The following LIPA variants were observed in gnomAD, a reference collection of about 807,000 sequenced individuals.
The protein encoded by LIPA is lipase A, lysosomal acid type, also known as lysosomal acid lipase/cholesteryl ester hydrolase.
A neutral mutation model predicts 40.6 loss-of-function variants in LIPA; 26 were observed. The observed-to-expected ratio is 0.64, with a 90% confidence interval of 0.47 to 0.89. LIPA has a LOEUF of 0.89. Ranked by LOEUF, LIPA falls within the 40% of genes least tolerant of loss-of-function variation. The pLI is 0.00. For synonymous variants in LIPA, 188 were observed against 168.4 expected (o/e 1.12, Z -0.90); for missense variants, 455 against 479.6 (o/e 0.95, Z 0.48).
chr10:89,318,115 T>C (rs1490414784), intron 1 of LIPA, among the ~76,000 whole-genome samples: 2 of 151,954 alleles, frequency 1.3e-5, no homozygotes, highest in African/African-American at 4.8e-5. Flanking sequence ...GCAAAACATG[T>C]CAAAGTGTAA....
chr10:89,292,550 T>C (rs1415055234), intron 1 of LIPA: 1 of 152,204 alleles, frequency 6.6e-6, no homozygotes, highest in African/African-American at 2.4e-5. Context: ...AAGGTAGTAA[T>C]AACTAACCCT....
chr10:89,414,041 A>C (rs1841504515), intron 1 of LIPA, among the ~76,000 whole-genome samples: 1 of 152,204 alleles, frequency 6.6e-6, no homozygotes, highest in Non-Finnish European at 1.5e-5. Flanking sequence ...TCCTTATTAC[A>C]AAGCACCATT....
At chr10:89,383,819 A>G in intron 2 of LIPA, 1 of 1,614,210 alleles carries the variant, frequency 6.2e-7, no homozygotes, top group Non-Finnish European at 8.5e-7. Context: ...AAGGCTCTGG[A>G]AGGGAACCCT....
chr10:89,216,425 A>AT (rs60602656), intron 8 of LIPA, among the ~76,000 whole-genome samples: 4 of 145,644 alleles, frequency 2.7e-5, no homozygotes, highest in African/African-American at 7.9e-5. Context: ...ATATATATAT[A>AT]ATAGAGAGAG....
intron 3 of LIPA, among the ~76,000 whole-genome samples, chr10:89,229,590 A>T (rs1283295058): frequency 6.6e-6 from 1 of 152,154 alleles, no homozygotes; most frequent in Non-Finnish European, 1.5e-5. Flanking sequence ...GTCTCTACTA[A>T]AAATACAAAA....
chr10:89,219,620 C>A (rs1842670914), intron 8 of LIPA, among the ~76,000 whole-genome samples: 1 of 152,140 alleles, frequency 6.6e-6, no homozygotes, highest in African/African-American at 2.4e-5. Flanking sequence ...CCATAAGAGC[C>A]CTCTAATGCC....
chr10:89,242,612 C>T (rs1279843266), intron 3 of LIPA, among the ~76,000 whole-genome samples: 2 of 152,200 alleles, frequency 1.3e-5, no homozygotes, highest in Non-Finnish European at 2.9e-5. Context: ...CCCATGGCAA[C>T]AGGACTGAAA....
intron 2 of LIPA, among the ~76,000 whole-genome samples, chr10:89,359,798 A>G (rs1047849346): frequency 1.4e-5 from 2 of 142,170 alleles, no homozygotes; most frequent in Admixed American, 7.1e-5. Context: ...CTCTCTATCT[A>G]TCTCTCTCTC....
intron 1 of LIPA, among the ~76,000 whole-genome samples, chr10:89,272,885 G>A (rs1370410668): frequency 3.9e-5 from 6 of 152,220 alleles, no homozygotes; most frequent in Admixed American, 3.3e-4. Context: ...TTGTCTGCAT[G>A]TATGTCTTCT....
chr10:89,352,541 G>A (rs773524803), intron 2 of LIPA, among the ~76,000 whole-genome samples: 16 of 152,158 alleles, frequency 1.1e-4, no homozygotes, highest in Non-Finnish European at 1.9e-4. Context: ...CAAAGTGCCT[G>A]TGGCTTCTGG....
At chr10:89,376,666 A>G (rs1589625855) in intron 2 of LIPA, among the ~76,000 whole-genome samples, 1 of 152,224 alleles carries the variant, frequency 6.6e-6, no homozygotes, top group East Asian at 1.9e-4. Flanking sequence ...TTCCAACTGG[A>G]TTCGAAAATA....
At chr10:89,278,626 T>A (rs1843300658) in intron 1 of LIPA, 1 of 152,174 alleles carries the variant, frequency 6.6e-6, no homozygotes, top group African/African-American at 2.4e-5. Context: ...TTTGGAATAT[T>A]AACCAAAAAT....
intron 3 of LIPA, among the ~76,000 whole-genome samples, chr10:89,237,559 G>A (rs1441350736): frequency 6.6e-6 from 1 of 152,172 alleles, no homozygotes; most frequent in Non-Finnish European, 1.5e-5. Context: ...CTACTGTTCT[G>A]TGCAAATGCA....
chr10:89,228,526 A>G (rs1842800519), intron 3 of LIPA, 128 bp from the exon 4 acceptor site: 1 of 852,884 alleles, frequency 1.2e-6, no homozygotes, highest in African/African-American at 1.7e-5. Context: ...TGAAAGATTG[A>G]CATAGTGATG....
intron 1 of LIPA, among the ~76,000 whole-genome samples, chr10:89,297,469 C>T (rs1843422081): frequency 6.6e-6 from 1 of 152,142 alleles, no homozygotes; most frequent in African/African-American, 2.4e-5. Context: ...TGATATTTCC[C>T]AGTATCCACC....
At chr10:89,352,173 G>A (rs992014719) in intron 2 of LIPA, among the ~76,000 whole-genome samples, 5 of 152,056 alleles carry the variant, frequency 3.3e-5, no homozygotes, top group African/African-American at 9.7e-5. Flanking sequence ...GCCACTGCTC[G>A]ACTCCCCCTC....
intron 2 of LIPA, among the ~76,000 whole-genome samples, chr10:89,398,212 G>A (rs1488365489): frequency 2.0e-5 from 3 of 152,188 alleles, no homozygotes; most frequent in Non-Finnish European, 4.4e-5. Context: ...CTATAACTCT[G>A]AGGCAGAGGG....
chr10:89,318,787 T>C (rs1589599516), intron 1 of LIPA, among the ~76,000 whole-genome samples: 1 of 152,194 alleles, frequency 6.6e-6, no homozygotes, highest in Non-Finnish European at 1.5e-5. Flanking sequence ...ATTGCACTTA[T>C]TCCAAAACTG....
intron 1 of LIPA, among the ~76,000 whole-genome samples, chr10:89,315,137 A>G (rs1843535001): frequency 1.3e-5 from 2 of 152,212 alleles, no homozygotes; most frequent in South Asian, 4.1e-4. Flanking sequence ...TGTTCTTTCA[A>G]AATTTTACAT....
Sources: allele counts gnomAD v4.1 joint callset (sites outside exome capture counted in the v4.1 genomes callset), GRCh38; gene constraint gnomAD v4.1.1; transcripts MANE v1.5; gene names NCBI Gene and HGNC (gene_info 2026-07-23, HGNC 2026-07-21).